The following PTPRM variants were observed in gnomAD, a reference collection of about 807,000 sequenced individuals.
PTPRM encodes receptor-type tyrosine-protein phosphatase mu.
Under a neutral mutation model 186.7 loss-of-function variants are expected in PTPRM, and 47 were observed. The ratio of observed to expected loss-of-function variants is 0.25; its 90% CI spans 0.20 to 0.32. The LOEUF is 0.32. Among genes scored for constraint, PTPRM ranks in the 10% least tolerant of loss-of-function variants. The probability of loss-of-function intolerance (pLI) is 1.00; values close to 1 mark genes in which losing one functional copy is unlikely to be tolerated. For missense variants in PTPRM, 1,494 were observed against 1,865.0 expected (o/e 0.80, Z 3.66); for synonymous variants, 668 against 674.9 (o/e 0.99, Z 0.16).
In PTPRM at chr18:7,818,164, T is replaced by C. The variant is rs1440996; in HGVS notation, c.196+43893T>C. Among the ~76,000 whole-genome samples, 127 of 152,342 alleles carry C rather than the reference T, an allele frequency of 8.3e-4. 2 individuals are homozygous for C. The South Asian group carries it at 0.024, about 29-fold the overall frequency. ...AATGTCACTTAATTTCTAGGGAATA[T>C]GATTTTATACAACAGCAGTCTCTCT... On this transcript the variant is annotated intron_variant, in intron 2 of 32. Transcript: ENST00000580170.
At chr18:8,388,660 T>A (rs1454938124) in intron 31 of PTPRM, among the ~76,000 whole-genome samples, 1 of 152,138 alleles carries the variant, frequency 6.6e-6, no homozygotes, top group Admixed American at 6.6e-5. Flanking sequence ...ATGGACCCAG[T>A]GCATTAAAAA....
chr18:7,892,786 C>T (rs894900598), intron 3 of PTPRM, among the ~76,000 whole-genome samples: 1 of 152,206 alleles, frequency 6.6e-6, no homozygotes. Flanking sequence ...TGAAAGTTCT[C>T]TTCCTGGTTT....
intron 1 of PTPRM, among the ~76,000 whole-genome samples, chr18:7,654,701 T>TAGGG (rs2038807685): frequency 6.6e-6 from 1 of 152,218 alleles, no homozygotes; most frequent in African/African-American, 2.4e-5. Context: ...ATTTATTGAA[T>TAGGG]AGGGAGTCCT....
chr18:7,673,738 A>G (rs1010509970), intron 1 of PTPRM, among the ~76,000 whole-genome samples: 3 of 152,232 alleles, frequency 2.0e-5, no homozygotes, highest in Admixed American at 2.0e-4. Context: ...AGAAAGATGT[A>G]TATGTGCTTG....
At chr18:8,129,440 T>G (rs2092449779) in intron 13 of PTPRM, among the ~76,000 whole-genome samples, 1 of 152,198 alleles carries the variant, frequency 6.6e-6, no homozygotes, top group African/African-American at 2.4e-5. Context: ...ATTTTGATTT[T>G]CATCCATTTA....
intron 2 of PTPRM, among the ~76,000 whole-genome samples, chr18:7,839,753 A>G (rs893480357): frequency 6.6e-6 from 1 of 152,086 alleles, no homozygotes; most frequent in Non-Finnish European, 1.5e-5. Context: ...CCAGTTCAGC[A>G]CTAGGCCTCA....
intron 29 of PTPRM, 50 bp from the exon 30 acceptor site, chr18:8,384,510 GA>G (rs763480743): frequency 6.2e-7 from 1 of 1,602,296 alleles, no homozygotes; most frequent in African/African-American, 1.3e-5. Context: ...AAACTGTTAG[GA>G]GTAAATTTCC....
intron 1 of PTPRM, chr18:7,749,345 A>C (rs557188638): frequency 2.0e-5 from 3 of 151,530 alleles, no homozygotes; most frequent in Non-Finnish European, 4.4e-5. Flanking sequence ...AACAAAAAAA[A>C]CTCACATTTT....
intron 3 of PTPRM, among the ~76,000 whole-genome samples, chr18:7,895,163 G>A (rs753315463): frequency 1.3e-5 from 2 of 151,972 alleles, no homozygotes; most frequent in Admixed American, 1.3e-4. Context: ...AACTTTATGA[G>A]CCTCACTTTC....
At chr18:8,398,494 G>A (rs1053347350) in intron 32 of PTPRM, among the ~76,000 whole-genome samples, 10 of 152,044 alleles carry the variant, frequency 6.6e-5, no homozygotes, top group African/African-American at 2.2e-4. Context: ...GGCCAAACAC[G>A]GTGGCTCACG....
intron 7 of PTPRM, among the ~76,000 whole-genome samples, chr18:8,025,856 A>G (rs1348008612): frequency 6.6e-6 from 1 of 152,210 alleles, no homozygotes. Flanking sequence ...GCTGTCTATC[A>G]TGAAGCCCTT....
intron 13 of PTPRM, among the ~76,000 whole-genome samples, chr18:8,135,281 C>T (rs968038185): frequency 3.3e-5 from 5 of 152,086 alleles, no homozygotes; most frequent in African/African-American, 4.8e-5. Flanking sequence ...GAAATTGGAT[C>T]GCTGAGAAAG....
intron 23 of PTPRM, among the ~76,000 whole-genome samples, chr18:8,347,660 T>C (rs561128429): frequency 7.9e-5 from 12 of 152,288 alleles, no homozygotes; most frequent in African/African-American, 2.9e-4. Context: ...ACAGCAACTA[T>C]TCCTTCTGAC....
In PTPRM at chr18:8,149,788, G is replaced by A. The variant is rs187325545; in HGVS notation, c.2300+6009G>A. Among the ~76,000 whole-genome samples, 1,205 of 152,298 alleles carry A rather than the reference G, an allele frequency of 7.9e-3. 17 individuals carry two copies. The highest frequency in any genetic ancestry group is 0.028 in the African/African-American group (1,163 of 41,554). On this transcript the variant is annotated intron_variant, in intron 14 of 32. Transcript: ENST00000580170. ...TATGTTTTTGCAGTGGCTGGTACCG[G>A]TTGTTCCTTTTCATGTTTAGTGCTT...
chr18:8,253,493 G>A, intron 19 of PTPRM, 79 bp downstream of exon 19: 1 of 1,251,620 alleles, frequency 8.0e-7, no homozygotes, highest in Non-Finnish European at 1.0e-6. Flanking sequence ...AACTCAATCA[G>A]AAAGCCAGAG....
intron 2 of PTPRM, among the ~76,000 whole-genome samples, chr18:7,830,132 T>G (rs761928451): frequency 8.5e-5 from 13 of 152,186 alleles, no homozygotes; most frequent in Non-Finnish European, 1.0e-4. Flanking sequence ...GTATATTTAT[T>G]CTCCATATCC....
intron 22 of PTPRM, among the ~76,000 whole-genome samples, chr18:8,335,890 C>T (rs913985434): frequency 2.6e-5 from 4 of 152,120 alleles, no homozygotes; most frequent in East Asian, 1.9e-4. Context: ...GGCGTGGTAG[C>T]GCACGCCTGT....
chr18:7,906,233 C>G (rs1048094572), intron 3 of PTPRM, among the ~76,000 whole-genome samples: 7 of 152,152 alleles, frequency 4.6e-5, no homozygotes, highest in Non-Finnish European at 1.0e-4. Context: ...TGTGTCATCC[C>G]CCGCAACCCC....
At chr18:8,016,066 G>A (rs2084839529) in intron 7 of PTPRM, among the ~76,000 whole-genome samples, 1 of 152,220 alleles carries the variant, frequency 6.6e-6, no homozygotes, top group Non-Finnish European at 1.5e-5. Flanking sequence ...TGGTCCTGAA[G>A]TGCTGTGTTA....
Sources: allele counts gnomAD v4.1 joint callset (sites outside exome capture counted in the v4.1 genomes callset), GRCh38; gene constraint gnomAD v4.1.1; transcripts MANE v1.5; gene names NCBI Gene and HGNC (gene_info 2026-07-23, HGNC 2026-07-21).